The following KLHL5 variants were observed in gnomAD, a reference collection of about 807,000 sequenced individuals.
The protein encoded by KLHL5 is kelch like family member 5, also known as kelch-like protein 5.
In KLHL5, 48 loss-of-function variants were observed where a neutral mutation model predicts 77.7. The ratio of observed to expected loss-of-function variants is 0.62; its 90% CI spans 0.49 to 0.79. The LOEUF (loss-of-function observed/expected upper bound fraction) is 0.79, where lower values mean the gene tolerates loss of function less well. Ranked by LOEUF, KLHL5 falls within the 30% of genes least tolerant of loss-of-function variation. The pLI, the probability that KLHL5 is intolerant of heterozygous loss-of-function variation, is 0.00. For synonymous variants in KLHL5, 260 were observed against 297.0 expected (o/e 0.88, Z 1.28); for missense variants, 723 against 859.7 (o/e 0.84, Z 1.99).
Position 39,121,833 on chromosome 4 carries a change from A to G in KLHL5, c.*767A>G, listed in dbSNP as rs1408303747. On this transcript the variant is annotated 3_prime_UTR_variant, in exon 11 of 11. Coordinates refer to ENST00000504108, the MANE Select transcript of KLHL5 (RefSeq NM_015990.5). ...AGAGAAAATAAATGTTATATACCCT[A>G]TAATCTTTCACCTAATTAGTATTTA... The G allele has an allele frequency of 1.3e-5, 2 of 152,624 alleles. No homozygotes were observed. Among genetic ancestry groups the G allele is most frequent in the Admixed American group, 6.5e-5 (1 of 15,282 alleles). 9.5% of individuals were successfully genotyped at this position (152,624 alleles called of 1,614,324 possible).
the KLHL5 span, among the ~76,000 whole-genome samples, chr4:39,135,970 T>A: frequency 6.6e-6 from 1 of 150,722 alleles, no homozygotes; most frequent in African/African-American, 2.5e-5. Flanking sequence ...TATGATATGG[T>A]CCAAAAAGGG....
rs939995999 is a variant in KLHL5, at chr4:39,124,968, G to A, written c.*3902G>A. Among the ~76,000 whole-genome samples, 9 of 152,034 alleles carry A rather than the reference G, an allele frequency of 5.9e-5. No individual in the cohort carries two copies. Among genetic ancestry groups the A allele is most frequent in the East Asian group, 1.9e-4 (1 of 5,180 alleles). ...GAATATATAAGGAACTCCGATGCTCGACAACAAAAAGACAAACCAATTTTA... is the reference window on the plus strand; with the variant it reads ...GAATATATAAGGAACTCCGATGCTCAACAACAAAAAGACAAACCAATTTTA... On this transcript the variant is annotated 3_prime_UTR_variant, in exon 11 of 11. Coordinates refer to ENST00000504108, the MANE Select transcript of KLHL5 (RefSeq NM_015990.5).
rs374439509 is a variant in KLHL5 at position 39,076,010 on chromosome 4, G to A, written c.429G>A (p.Glu143=). 9 of 1,612,332 alleles carry A rather than the reference G, an allele frequency of 5.6e-6. No homozygotes were observed. The African/African-American group carries it at 8.0e-5, about 14-fold the overall frequency. Residue 143 remains glutamate (E), a synonymous_variant, in exon 2 of 11, where the codon GAG becomes GAA. Coordinates refer to ENST00000504108, the MANE Select transcript of KLHL5 (RefSeq NM_015990.5). ...SQTLSSCHTM[E]PCTSDEFFQA... is the part of the protein sequence containing the mutation. ...CATTATCATCCTGTCATACTATGGAGCCATGTACATCAGATGAATTTTTCC... is the reference window on the plus strand; with the variant it reads ...CATTATCATCCTGTCATACTATGGAACCATGTACATCAGATGAATTTTTCC...
intron 5 of KLHL5, among the ~76,000 whole-genome samples, chr4:39,092,487 T>C (rs1720674385): frequency 6.6e-6 from 1 of 152,224 alleles, no homozygotes; most frequent in South Asian, 2.1e-4. Flanking sequence ...AAAGTAATTG[T>C]ATATAATAGA....
rs1255735868 is a variant in KLHL5 at position 39,126,134 on chromosome 4, G to T, written c.*5068G>T. On this transcript the variant is annotated 3_prime_UTR_variant, in exon 11 of 11. Coordinates refer to ENST00000504108, the MANE Select transcript of KLHL5 (RefSeq NM_015990.5). ...ATTCCACAAATGTTTTCTGAAAGTT[G>T]AAATAGACATCTTTTCATGAACTCT... 6.6e-6 allele frequency among the ~76,000 whole-genome samples: 1 copy of T among 152,152 alleles called. No homozygotes were observed. Among genetic ancestry groups the T allele is most frequent in the East Asian group, 1.9e-4 (1 of 5,204 alleles).
In KLHL5 at chr4:39,123,717, T is replaced by C. The variant is rs1723356540; in HGVS notation, c.*2651T>C. On this transcript the variant is annotated 3_prime_UTR_variant, in exon 11 of 11. Transcript: ENST00000504108. ...GGAAGAAAAGGGAACTTTCTTAACC[T>C]GATAAAGACATCCATAAAAACCCAC... is the stretch of plus-strand genomic sequence containing the variant. Among the ~76,000 whole-genome samples the C allele has an allele frequency of 1.3e-5, 2 of 152,180 alleles. No homozygotes were observed. Among genetic ancestry groups the C allele is most frequent in the South Asian group, 2.1e-4 (1 of 4,828 alleles).
At chr4:39,097,247 A>G (rs1027036615) in intron 6 of KLHL5, among the ~76,000 whole-genome samples, 7 of 152,254 alleles carry the variant, frequency 4.6e-5, no homozygotes, top group Non-Finnish European at 7.3e-5. Context: ...AAGAATGCCA[A>G]CGAATGAATA....
At chr4:39,076,727 A>G (rs1047127494) in intron 2 of KLHL5, among the ~76,000 whole-genome samples, 42 of 150,584 alleles carry the variant, frequency 2.8e-4, no homozygotes, top group Admixed American at 7.9e-4. Context: ...GTTAATCACC[A>G]CTATGATTCT....
intron 2 of KLHL5, among the ~76,000 whole-genome samples, 197 bp downstream of exon 2, chr4:39,076,344 A>G (rs1194252070): frequency 6.6e-6 from 1 of 152,214 alleles, no homozygotes; most frequent in Non-Finnish European, 1.5e-5. Context: ...CTGCTGTAGA[A>G]GCACAATAAC....
chr4:39,113,253 A>T (rs1245659170), intron 9 of KLHL5, 21 bp downstream of exon 9: 1 of 1,582,436 alleles, frequency 6.3e-7, no homozygotes, highest in East Asian at 2.2e-5. Flanking sequence ...GGGAAGAAAA[A>T]CTAGGAACAA....
chr4:39,090,503 C>T (rs1262558222), intron 5 of KLHL5, among the ~76,000 whole-genome samples: 2 of 148,564 alleles, frequency 1.3e-5, no homozygotes, highest in Non-Finnish European at 3.0e-5. Context: ...GGCTGGAGTG[C>T]GGTGGCACAA....
chr4:39,046,466 T>G (rs1195552918), intron 1 of KLHL5, among the ~76,000 whole-genome samples: 1 of 152,174 alleles, frequency 6.6e-6, no homozygotes, highest in Admixed American at 6.5e-5. Context: ...CAGCCTGTTT[T>G]GTCTGGGCGC....
At chr4:39,053,159 T>C (rs1229122061) in intron 1 of KLHL5, among the ~76,000 whole-genome samples, 2 of 152,120 alleles carry the variant, frequency 1.3e-5, no homozygotes, top group African/African-American at 4.8e-5. Flanking sequence ...CTTCACATTT[T>C]CTCCTCTTTA....
chr4:39,078,210 A>G (rs1719262650), intron 2 of KLHL5, among the ~76,000 whole-genome samples: 1 of 151,922 alleles, frequency 6.6e-6, no homozygotes, highest in Non-Finnish European at 1.5e-5. Context: ...AGATGGTGAA[A>G]CACCATCTTT....
Position 39,096,792 on chromosome 4 carries a change from G to T in KLHL5, c.1214G>T (p.Arg405Leu). 1 of 1,613,614 alleles carries T rather than the reference G, an allele frequency of 6.2e-7. No individual in the cohort carries two copies. The highest frequency in any genetic ancestry group is 1.1e-5 in the South Asian group (1 of 91,058). ...AMKYHLLPER[R>L]PMLQSPRTKP... ...AAGTACCATTTATTACCAGAGAGAC[G>T]ACCCATGTTACAAAGTCCTCGGACA... is the stretch of plus-strand genomic sequence containing the variant. Residue 405 changes from arginine to leucine, a missense_variant, in exon 6 of 11, where the codon CGA becomes CTA. By Grantham distance (102) the Arg-to-Leu change is moderately radical. Coordinates refer to ENST00000504108, the MANE Select transcript of KLHL5 (RefSeq NM_015990.5).
chr4:39,053,373 A>T (rs977475633), intron 1 of KLHL5, among the ~76,000 whole-genome samples: 1 of 152,230 alleles, frequency 6.6e-6, no homozygotes, highest in Non-Finnish European at 1.5e-5. Flanking sequence ...TTCAGAAAAA[A>T]TTTTTTTTAA....
At chr4:39,090,985 ATTTTTTT>A (rs61479288) in intron 5 of KLHL5, among the ~76,000 whole-genome samples, 1 of 127,326 alleles carries the variant, frequency 7.9e-6, no homozygotes, top group Non-Finnish European at 1.6e-5. Context: ...TCAGTTTTTA[ATTTTTTT>A]TTTTTTTTTT....
intron 9 of KLHL5, among the ~76,000 whole-genome samples, chr4:39,113,762 T>C (rs1450338046): frequency 6.6e-6 from 1 of 152,050 alleles, no homozygotes; most frequent in African/African-American, 2.4e-5. Flanking sequence ...GTACAATCAA[T>C]AGGAGCTTGT....
chr4:39,139,420 GT>G, the KLHL5 span, among the ~76,000 whole-genome samples: 5 of 152,080 alleles, frequency 3.3e-5, no homozygotes, highest in African/African-American at 7.2e-5. Flanking sequence ...AGAGCACAGG[GT>G]TTTTTCAGGG....
Sources: allele counts gnomAD v4.1 joint callset (sites outside exome capture counted in the v4.1 genomes callset), GRCh38; gene constraint gnomAD v4.1.1; transcripts MANE v1.5; gene names NCBI Gene and HGNC (gene_info 2026-07-23, HGNC 2026-07-21).